Variants in PRKAG2 observed in about 807,000 individuals in gnomAD.
PRKAG2 encodes protein kinase AMP-activated non-catalytic subunit gamma 2, also known as 5'-AMP-activated protein kinase subunit gamma-2.
PRKAG2 carries 26 observed loss-of-function variants against 69.6 expected under a neutral mutation model. The observed-to-expected ratio is 0.37, with a 90% confidence interval of 0.27 to 0.52. PRKAG2 has a LOEUF of 0.52. PRKAG2 is among the 20% of genes least tolerant of loss of function. The probability of loss-of-function intolerance (pLI) is 0.90; values close to 1 mark genes in which losing one functional copy is unlikely to be tolerated. For missense variants in PRKAG2, 557 were observed against 740.0 expected, an observed-to-expected ratio of 0.75 and a Z score of 2.87; for synonymous variants, 293 against 285.0, an observed-to-expected ratio of 1.03 and a Z score of -0.28.
At position 151,632,291 on chromosome 7, in the gene PRKAG2, G is replaced by A; in HGVS notation, c.685-153C>T. 7 of 948,900 alleles carry A rather than the reference G, an allele frequency of 7.4e-6. No homozygotes were observed. Among genetic ancestry groups the A allele is most frequent in the Non-Finnish European group, 8.8e-6 (7 of 796,844 alleles). The allele number at this position is 948,900 out of a possible 1,614,324, so 58.8% of individuals were successfully genotyped here. A position where few individuals can be genotyped will look rare whatever the true frequency, so the allele number is the denominator to read the frequency against. On this transcript the variant is annotated intron_variant, in intron 4 of 15. Transcript: ENST00000287878. This position sits in a 1 kb window ranked among gnomAD's most constrained non-coding sequence, Gnocchi z 4.2. ...GACGCGGGCAGCGGGGGCCGGGGGCGGAGCGGGAGCGCTGCCCCCACCCGC... is the reference window on the plus strand; with the variant it reads ...GACGCGGGCAGCGGGGGCCGGGGGCAGAGCGGGAGCGCTGCCCCCACCCGC...
intron 4 of PRKAG2, among the ~76,000 whole-genome samples, chr7:151,635,177 C>T (rs1421928212): frequency 6.6e-6 from 1 of 152,070 alleles, no homozygotes; most frequent in Non-Finnish European, 1.5e-5. Flanking sequence ...TCTTGAACTC[C>T]CGACCTCAGG....
At chr7:151,864,122 A>G (rs946003062) in intron 1 of PRKAG2, among the ~76,000 whole-genome samples, 1 of 152,172 alleles carries the variant, frequency 6.6e-6, no homozygotes, top group African/African-American at 2.4e-5. Flanking sequence ...AAATAGCACG[A>G]AACAAGCACT....
Position 151,777,561 on chromosome 7 carries a change from C to T in PRKAG2, c.466+3591G>A, listed in dbSNP as rs2076440302. On this transcript the variant is annotated intron_variant, in intron 3 of 15. Coordinates refer to ENST00000287878, the MANE Select transcript of PRKAG2 (RefSeq NM_016203.4). The surrounding 1 kb of genome is among the most constrained non-coding windows in gnomAD (Gnocchi z 4.3). ...TCCCTTGCGTGTGAGCTCTGCATAC[C>T]CCGGCTTTCCTTCGCCTTCCTCCAT... is the stretch of plus-strand genomic sequence containing the variant. Among the ~76,000 whole-genome samples the T allele has an allele frequency of 1.3e-5, 2 of 152,102 alleles. No individual in the cohort carries two copies. The highest frequency in any genetic ancestry group is 4.1e-4 in the South Asian group (2 of 4,826).
At chr7:151,866,033 A>AT (rs1318760110) in intron 1 of PRKAG2, among the ~76,000 whole-genome samples, 1 of 151,876 alleles carries the variant, frequency 6.6e-6, no homozygotes, top group Admixed American at 6.6e-5. Flanking sequence ...AAAAAAAAAA[A>AT]AAGAAAAAGA....
chr7:151,856,460 G>A (rs1233254213), intron 1 of PRKAG2, among the ~76,000 whole-genome samples: 1 of 152,252 alleles, frequency 6.6e-6, no homozygotes, highest in Non-Finnish European at 1.5e-5. Flanking sequence ...GGATGTAGGG[G>A]GAGACGAAAA....
At chr7:151,820,016 T>C (rs867922191) in intron 1 of PRKAG2, among the ~76,000 whole-genome samples, 2 of 152,202 alleles carry the variant, frequency 1.3e-5, no homozygotes, top group Admixed American at 6.5e-5. Context: ...TAAGACCAGG[T>C]GTTCCTGATT....
In PRKAG2 at chr7:151,562,734, G is replaced by T. The variant is rs901435529; in HGVS notation, c.1584+1344C>A. 7.9e-5 allele frequency among the ~76,000 whole-genome samples: 12 copies of T among 152,076 alleles called. No homozygotes were observed. The South Asian group carries it at 1.2e-3, about 16-fold the overall frequency. ...TGTAATCCCAGCACTTTGGGAGGCCGAGGCGGGCAGATCACGAGGTCAGGA... is the reference window on the plus strand; with the variant it reads ...TGTAATCCCAGCACTTTGGGAGGCCTAGGCGGGCAGATCACGAGGTCAGGA... On this transcript the variant is annotated intron_variant, in intron 14 of 15. Transcript: ENST00000287878.
Position 151,699,736 on chromosome 7 carries a change from A to G in PRKAG2, c.467-24099T>C, listed in dbSNP as rs988449130. Among the ~76,000 whole-genome samples, 12 of 152,332 alleles carry G rather than the reference A, an allele frequency of 7.9e-5. No homozygotes were observed. The highest frequency in any genetic ancestry group is 7.4e-5 in the Non-Finnish European group (5 of 68,026). On this transcript the variant is annotated intron_variant, in intron 3 of 15. Transcript: ENST00000287878. The surrounding 1 kb of genome is among the most constrained non-coding windows in gnomAD (Gnocchi z 4.5). ...GTGCAGGAAGCATCTGATGGAGGACACGTCAATCTTTTCATCAATCATTGA... is the reference window on the plus strand; with the variant it reads ...GTGCAGGAAGCATCTGATGGAGGACGCGTCAATCTTTTCATCAATCATTGA...
chr7:151,650,357 G>A (rs1260164259), intron 4 of PRKAG2, among the ~76,000 whole-genome samples: 1 of 152,022 alleles, frequency 6.6e-6, no homozygotes, highest in Non-Finnish European at 1.5e-5. Context: ...TTTCTGCTGA[G>A]AAGTGGGCAA....
intron 7 of PRKAG2, 61 bp from the exon 8 acceptor site, chr7:151,575,010 T>G: frequency 6.2e-7 from 1 of 1,600,414 alleles, no homozygotes; most frequent in East Asian, 2.2e-5. Context: ...AAATTTCAAA[T>G]GACAAGTGAG....
At chr7:151,617,539 T>C (rs943495826) in intron 5 of PRKAG2, among the ~76,000 whole-genome samples, 4 of 152,170 alleles carry the variant, frequency 2.6e-5, no homozygotes, top group African/African-American at 9.7e-5. Context: ...ACAAAAAATA[T>C]CATCATCTTA....
intron 1 of PRKAG2, among the ~76,000 whole-genome samples, chr7:151,803,731 T>C (rs1484728049): frequency 6.6e-6 from 1 of 151,168 alleles, no homozygotes; most frequent in East Asian, 1.9e-4. Flanking sequence ...TTTTAAGAAG[T>C]AAATTCATCC....
chr7:151,748,430 G>A (rs2074434874), intron 3 of PRKAG2, among the ~76,000 whole-genome samples: 2 of 152,174 alleles, frequency 1.3e-5, no homozygotes, highest in Middle Eastern at 3.2e-3. Context: ...AACTGGGAAG[G>A]TGTGGGGTGG....
At chr7:151,750,640 C>T (rs1395603826) in intron 3 of PRKAG2, among the ~76,000 whole-genome samples, 1 of 152,068 alleles carries the variant, frequency 6.6e-6, no homozygotes, top group African/African-American at 2.4e-5. Flanking sequence ...GTGAGGTTTC[C>T]ATTTGGGGTG....
intron 3 of PRKAG2, among the ~76,000 whole-genome samples, chr7:151,730,916 G>A (rs554645151): frequency 3.8e-4 from 58 of 152,288 alleles, no homozygotes; most frequent in African/African-American, 1.3e-3. Flanking sequence ...AGGGCCAAGC[G>A]TCCTCAGAGG....
At chr7:151,667,285 G>A (rs538977012) in intron 4 of PRKAG2, among the ~76,000 whole-genome samples, 1 of 152,228 alleles carries the variant, frequency 6.6e-6, no homozygotes, top group Admixed American at 6.5e-5. Flanking sequence ...TAAACATCCT[G>A]CACACCAATC....
intron 3 of PRKAG2, among the ~76,000 whole-genome samples, chr7:151,726,968 C>A (rs191666250): frequency 6.6e-6 from 1 of 152,112 alleles, no homozygotes; most frequent in African/African-American, 2.4e-5. Flanking sequence ...GTAATCCCAG[C>A]GCTTTGGGAG....
intron 3 of PRKAG2, among the ~76,000 whole-genome samples, chr7:151,725,768 GCAC>G (rs1235843862): frequency 1.3e-5 from 2 of 152,134 alleles, no homozygotes; most frequent in African/African-American, 2.4e-5. Context: ...CCCCAGGGCT[GCAC>G]AGGGGCTGGT....
intron 1 of PRKAG2, among the ~76,000 whole-genome samples, chr7:151,802,105 G>A (rs2077870127): frequency 1.3e-5 from 2 of 152,210 alleles, no homozygotes; most frequent in Admixed American, 6.5e-5. Flanking sequence ...TGTCAGAAGG[G>A]TTTGGGATCT....
Sources: gnomAD v4.1 joint callset for allele counts (sites outside exome capture counted in the v4.1 genomes callset) on GRCh38, gnomAD v4.1.1 for gene constraint, Gnocchi (gnomAD v3.1) non-coding constraint, MANE v1.5 for transcripts, NCBI Gene and HGNC (gene_info 2026-07-23, HGNC 2026-07-21) for gene names.